PAX5: variants seen among roughly 807,000 people sequenced by gnomAD.
PAX5 encodes the protein paired box protein Pax-5.
In PAX5, 9 loss-of-function variants were observed where a neutral mutation model predicts 43.7. The ratio of observed to expected loss-of-function variants is 0.21; its 90% CI spans 0.12 to 0.36. The LOEUF (loss-of-function observed/expected upper bound fraction) is 0.36, where lower values mean the gene tolerates loss of function less well. PAX5 is among the 10% of genes least tolerant of loss of function. PAX5 has a pLI of 1.00. For synonymous variants in PAX5, 228 were observed against 214.3 expected, an observed-to-expected ratio of 1.06 and a Z score of -0.56; for missense variants, 383 against 532.7, an observed-to-expected ratio of 0.72 and a Z score of 2.77.
intron 5 of PAX5, among the ~76,000 whole-genome samples, chr9:36,977,359 A>T (rs1393181647): frequency 6.6e-6 from 1 of 152,096 alleles, no homozygotes; most frequent in African/African-American, 2.4e-5. Flanking sequence ...AAGATCACAC[A>T]GCTAAGAAGT....
intron 6 of PAX5, among the ~76,000 whole-genome samples, chr9:36,924,635 G>A (rs989519345): frequency 7.3e-5 from 11 of 150,912 alleles, no homozygotes; most frequent in African/African-American, 1.5e-4. Flanking sequence ...CGGGAAGATC[G>A]ACTGAGCCCA....
chr9:36,982,524 G>T (rs541378040), intron 5 of PAX5, among the ~76,000 whole-genome samples: 2 of 152,290 alleles, frequency 1.3e-5, no homozygotes, highest in South Asian at 4.1e-4. Flanking sequence ...TCAACTGCAG[G>T]CAATGAAAGT....
chr9:36,915,402 G>A (rs1022016214), intron 7 of PAX5, among the ~76,000 whole-genome samples: 2 of 152,156 alleles, frequency 1.3e-5, no homozygotes, highest in African/African-American at 4.8e-5. Flanking sequence ...ATGTTTTTAA[G>A]TGTCTCATGA....
At chr9:36,868,759 C>T (rs1159723880) in intron 8 of PAX5, among the ~76,000 whole-genome samples, 3 of 152,090 alleles carry the variant, frequency 2.0e-5, no homozygotes, top group African/African-American at 7.2e-5. Context: ...AAGTTCCAGG[C>T]GCCAAGCCCA....
chr9:36,886,079 C>G (rs1047773410), intron 7 of PAX5, among the ~76,000 whole-genome samples: 3 of 152,004 alleles, frequency 2.0e-5, no homozygotes, highest in Non-Finnish European at 4.4e-5. Flanking sequence ...CCTGGCTAGC[C>G]TGCAGGTCCA....
chr9:36,904,013 T>C (rs563008056), intron 7 of PAX5, among the ~76,000 whole-genome samples: 1 of 152,354 alleles, frequency 6.6e-6, no homozygotes, highest in South Asian at 2.1e-4. Flanking sequence ...ACTTACAAGC[T>C]GTGTGACCTT....
At chr9:36,997,525 C>T (rs1837492359) in intron 5 of PAX5, among the ~76,000 whole-genome samples, 1 of 152,196 alleles carries the variant, frequency 6.6e-6, no homozygotes, top group African/African-American at 2.4e-5. Flanking sequence ...TCACCCATGG[C>T]CGCTATTCAC....
Position 36,834,988 on chromosome 9 carries a change from C to T in PAX5, c.*5572G>A, listed in dbSNP as rs370307933. The T allele has an allele frequency of 2.1e-5, 5 of 233,236 alleles. No individual in the cohort carries two copies. The highest frequency in any genetic ancestry group is 8.8e-5 in the African/African-American group (4 of 45,348). The allele number at this position is 233,236 out of a possible 1,614,324, so 14.4% of individuals were successfully genotyped here. A position where few individuals can be genotyped will look rare whatever the true frequency, so the allele number is the denominator to read the frequency against. ...CCCTCCCTGGGCCCCGATCAGCCAC[C>T]GGAAGCTGATGGGTGGGTGGGTTTG... On this transcript the variant is annotated 3_prime_UTR_variant, in exon 10 of 10. Transcript: ENST00000358127.
At chr9:37,010,151 T>C (rs2132444392) in intron 3 of PAX5, among the ~76,000 whole-genome samples, 1 of 152,286 alleles carries the variant, frequency 6.6e-6, no homozygotes, top group East Asian at 1.9e-4. Context: ...TCAAGACTCA[T>C]CCAATAAGAA....
At chr9:36,868,901 G>A (rs975154230) in intron 8 of PAX5, among the ~76,000 whole-genome samples, 6 of 152,150 alleles carry the variant, frequency 3.9e-5, no homozygotes, top group Admixed American at 3.3e-4. Flanking sequence ...GCTAACAGCT[G>A]TGTGTCCCTT....
At chr9:36,984,528 C>T (rs572741758) in intron 5 of PAX5, among the ~76,000 whole-genome samples, 35 of 148,236 alleles carry the variant, frequency 2.4e-4, no homozygotes, top group African/African-American at 5.0e-4. Context: ...GCAACCTCCA[C>T]CTCCCAGGTT....
intron 8 of PAX5, among the ~76,000 whole-genome samples, chr9:36,871,325 G>A (rs1232720445): frequency 6.6e-6 from 1 of 152,228 alleles, no homozygotes; most frequent in East Asian, 1.9e-4. Flanking sequence ...TTGGTCATCA[G>A]GAATTAGGAT....
chr9:37,002,550 G>T lies in PAX5; in HGVS notation c.604+98C>A, dbSNP rs7021250. On this transcript the variant is annotated intron_variant, in intron 5 of 9. Transcript: ENST00000358127. Reference sequence around the variant, plus strand: ...GGGACTCGCTCCTCTGCAGGTAAGGGGGGTGTTCGCGGGCACCTCTGCTGC... The same window carrying T: ...GGGACTCGCTCCTCTGCAGGTAAGGTGGGTGTTCGCGGGCACCTCTGCTGC... 16,814 of 1,316,372 alleles carry T rather than the reference G, an allele frequency of 0.013. 752 individuals carry two copies. The highest frequency in any genetic ancestry group is 0.11 in the African/African-American group (7,228 of 67,994). The allele number at this position is 1,316,372 out of a possible 1,614,324, so 81.5% of individuals were successfully genotyped here. A position where few individuals can be genotyped will look rare whatever the true frequency, so the allele number is the denominator to read the frequency against.
At chr9:37,023,233 G>T (rs943114413) in intron 1 of PAX5, among the ~76,000 whole-genome samples, 4 of 152,030 alleles carry the variant, frequency 2.6e-5, no homozygotes, top group Non-Finnish European at 4.4e-5. Flanking sequence ...AAAGACGAAG[G>T]TGGCACACAA....
At chr9:36,953,005 T>C (rs4645623) in intron 6 of PAX5, among the ~76,000 whole-genome samples, 109,974 of 151,884 alleles carry the variant, frequency 0.72, 40,240 homozygotes, top group South Asian at 0.84. Context: ...GAACTTCTTT[T>C]AACATTTCTT....
intron 6 of PAX5, among the ~76,000 whole-genome samples, chr9:36,947,702 G>A (rs1281685500): frequency 1.3e-5 from 2 of 152,010 alleles, no homozygotes; most frequent in Non-Finnish European, 2.9e-5. Flanking sequence ...GTACGCATAT[G>A]TGTGTGTGAA....
At chr9:37,026,697 C>G in intron 1 of PAX5, 1 of 1,300,746 alleles carries the variant, frequency 7.7e-7, no homozygotes, top group Non-Finnish European at 9.9e-7. Flanking sequence ...TCAGAAAACA[C>G]TGCTGGAGCT....
chr9:36,976,714 C>A (rs1338866225), intron 5 of PAX5, among the ~76,000 whole-genome samples: 8 of 152,202 alleles, frequency 5.3e-5, no homozygotes, highest in African/African-American at 1.4e-4. Flanking sequence ...AAGGAAAATG[C>A]GAAATTGTAA....
At chr9:37,033,467 T>A (rs1841194374) in intron 1 of PAX5, among the ~76,000 whole-genome samples, 1 of 152,304 alleles carries the variant, frequency 6.6e-6, no homozygotes, top group African/African-American at 2.4e-5. Context: ...ACCCTTTAAA[T>A]AGTGGATGTA....
Sources: allele counts gnomAD v4.1 joint callset (sites outside exome capture counted in the v4.1 genomes callset), GRCh38; gene constraint gnomAD v4.1.1; transcripts MANE v1.5; gene names NCBI Gene and HGNC (gene_info 2026-07-23, HGNC 2026-07-21).